Variants in SULT1A2 observed in about 807,000 individuals in gnomAD.
SULT1A2 encodes the protein sulfotransferase family 1A member 2.
Under a neutral mutation model 36.0 loss-of-function variants are expected in SULT1A2, and 33 were observed. The observed-to-expected ratio is 0.92, with a 90% confidence interval of 0.69 to 1.22. The LOEUF (loss-of-function observed/expected upper bound fraction) is 1.22, where lower values mean the gene tolerates loss of function less well. SULT1A2 is among the 50% of genes most tolerant of loss of function. The pLI, the probability that SULT1A2 is intolerant of heterozygous loss-of-function variation, is 0.00. For synonymous variants in SULT1A2, 138 were observed against 144.5 expected (o/e 0.96, Z 0.32); for missense variants, 367 against 383.2 (o/e 0.96, Z 0.35).
At chr16:28,593,389 G>A (rs372087175) in intron 5 of SULT1A2, 43 bp from the exon 6 acceptor site, 60 of 1,613,998 alleles carry the variant, frequency 3.7e-5, no homozygotes, top group African/African-American at 3.6e-4. Flanking sequence ...GTTGCTGTGC[G>A]TTGTAGCCAC....
chr16:28,592,308 G>T lies in SULT1A2; in HGVS notation c.730C>A (p.Arg244Ser). 1 of 1,613,914 alleles carries T rather than the reference G, an allele frequency of 6.2e-7. No individual in the cohort carries two copies. Among genetic ancestry groups the T allele is most frequent in the Non-Finnish European group, 8.5e-7 (1 of 1,179,862 alleles). The change falls in exon 7 of 8, where the codon CGC becomes AGC. Residue 244 changes from arginine (R) to serine (S), a missense_variant. Physicochemically the swap from Arg to Ser is moderately radical, Grantham distance 110 (BLOSUM62 -1). Transcript: ENST00000335715. ...ATGCTGTGGTCCATGAACTCCCGGCGGACGGTGGTGTAGTTGGTCATAGGG... is the reference window on the plus strand; with the variant it reads ...ATGCTGTGGTCCATGAACTCCCGGCTGACGGTGGTGTAGTTGGTCATAGGG... ...KNPMTNYTTV[R>S]REFMDHSISP...
At chr16:28,593,796 G>A (rs1016858192) in intron 4 of SULT1A2, among the ~76,000 whole-genome samples, 4 of 152,046 alleles carry the variant, frequency 2.6e-5, no homozygotes, top group Non-Finnish European at 4.4e-5. Context: ...GCATCAATGC[G>A]TCACACCCCG....
rs551148728 is a variant in SULT1A2, at chr16:28,592,103, C to T, written c.813G>A (p.Ala271=). The T allele has an allele frequency of 4.2e-4, 673 of 1,612,036 alleles. 12 individuals are homozygous for T. In the South Asian group the frequency reaches 6.8e-3, roughly 16 times the overall value. Residue 271 remains alanine, a synonymous_variant, in exon 8 of 8, where the codon GCG becomes GCA. Transcript: ENST00000335715. Reference sequence around the variant, plus strand: ...AGTCCGCATCGAAGCGCTCATTCTGCGCCACGGTGAAGGTGGTCTTCCAGT... The same window carrying T: ...AGTCCGCATCGAAGCGCTCATTCTGTGCCACGGTGAAGGTGGTCTTCCAGT... ...AGDWKTTFTV[A]QNERFDADYA...
rs34923751 is a variant in SULT1A2 at position 28,596,911 on chromosome 16, A to C, written c.-5+86T>G. On this transcript the variant is annotated intron_variant, in intron 1 of 7. Coordinates refer to ENST00000335715, the MANE Select transcript of SULT1A2 (RefSeq NM_001054.4). ...GGATATCCATGGGGAGAGGGCAGGGATAGCAGAGGCCTCGGCTTCTGGAAT... is the reference window on the plus strand; with the variant it reads ...GGATATCCATGGGGAGAGGGCAGGGCTAGCAGAGGCCTCGGCTTCTGGAAT... 5.3e-4 allele frequency: 508 copies of C among 966,820 alleles called. 8 individuals carry two copies. The East Asian group carries it at 0.031, about 58-fold the overall frequency. 59.9% of individuals were successfully genotyped at this position (966,820 alleles called of 1,614,324 possible).
chr16:28,594,352 G>A (rs937778520), intron 4 of SULT1A2, among the ~76,000 whole-genome samples: 8 of 151,992 alleles, frequency 5.3e-5, no homozygotes, highest in Non-Finnish European at 1.2e-4. Context: ...ATGTTTCCTG[G>A]GCTGGTCTGG....
At chr16:28,594,770 CTTTT>C (rs1033591115) in intron 4 of SULT1A2, among the ~76,000 whole-genome samples, 7 of 53,842 alleles carry the variant, frequency 1.3e-4, no homozygotes, top group East Asian at 5.3e-4. Context: ...CCACCTGCCG[CTTTT>C]TTTTTTTTTT....
intron 4 of SULT1A2, 130 bp from the exon 5 acceptor site, chr16:28,593,698 G>T: frequency 6.6e-7 from 1 of 1,521,604 alleles, no homozygotes; most frequent in Non-Finnish European, 8.8e-7. Context: ...CACGGCACAG[G>T]TAGGGCCAAG....
intron 4 of SULT1A2, among the ~76,000 whole-genome samples, chr16:28,594,671 T>C (rs1178726801): frequency 6.7e-6 from 1 of 149,268 alleles, no homozygotes; most frequent in African/African-American, 2.5e-5. Flanking sequence ...CAGGCTGATC[T>C]CAAACTCCTA....
chr16:28,596,840 A>C, intron 1 of SULT1A2, 157 bp downstream of exon 1: 1 of 437,744 alleles, frequency 2.3e-6, no homozygotes, highest in Non-Finnish European at 3.6e-6. Context: ...GGAAAAAAAA[A>C]AAAGGAAGGG....
chr16:28,592,164 A>G (rs1484533282), intron 7 of SULT1A2, 24 bp from the exon 8 acceptor site: 1 of 1,612,404 alleles, frequency 6.2e-7, no homozygotes, highest in African/African-American at 1.3e-5. Context: ...GCAGGGAGCA[A>G]AGCTGGAGTC....
chr16:28,596,055 C>CA (rs2151667494), intron 1 of SULT1A2, 121 bp from the exon 2 acceptor site: 1 of 1,570,904 alleles, frequency 6.4e-7, no homozygotes, highest in African/African-American at 1.3e-5. Flanking sequence ...TGCCCGCACT[C>CA]ACAAGGCCAG....
chr16:28,596,519 C>T (rs138658104), intron 1 of SULT1A2: 3 of 475,130 alleles, frequency 6.3e-6, no homozygotes, highest in East Asian at 1.0e-4. Context: ...GGGGCCAGAG[C>T]CTGATGTGGG....
chr16:28,596,557 A>C, intron 1 of SULT1A2: 1 of 324,294 alleles, frequency 3.1e-6, no homozygotes, highest in Non-Finnish European at 5.1e-6. Context: ...TGACTCAGCA[A>C]AAGGAGGATC....
chr16:28,594,850 G>A (rs2047040560), intron 4 of SULT1A2, among the ~76,000 whole-genome samples: 1 of 133,972 alleles, frequency 7.5e-6, no homozygotes, highest in South Asian at 2.3e-4. Flanking sequence ...GTGAGGTCTC[G>A]GCTGACTACA....
At position 28,595,615 on chromosome 16, in the gene SULT1A2, C is replaced by G; in HGVS notation, c.209G>C (p.Cys70Ser). The change falls in exon 3 of 8, where the codon TGT becomes TCT. Residue 70 changes from cysteine to serine, a missense_variant. Transcript: ENST00000335715. ...CCGCATGAAGATGGGAGCTCGGTGA[C>G]ACTTTTCCAGGTCACCGCCCTGGTA... ...MIYQGGDLEKCHRAPIFMRVP... is the reference protein window; with the variant it reads ...MIYQGGDLEKSHRAPIFMRVP... 6.2e-7 allele frequency: 1 copy of G among 1,614,184 alleles called. No individual in the cohort carries two copies. Among genetic ancestry groups the G allele is most frequent in the Non-Finnish European group, 8.5e-7 (1 of 1,180,028 alleles).
At chr16:28,593,954 C>T (rs554897811) in intron 4 of SULT1A2, among the ~76,000 whole-genome samples, 2 of 152,138 alleles carry the variant, frequency 1.3e-5, no homozygotes, top group South Asian at 2.1e-4. Flanking sequence ...CAGTCCCCCC[C>T]GTGGAAGATG....
chr16:28,596,933 G>A (rs1853962469), intron 1 of SULT1A2, 64 bp downstream of exon 1: 1 of 1,128,618 alleles, frequency 8.9e-7, no homozygotes, highest in African/African-American at 1.7e-5. Flanking sequence ...TCGGCTTCTG[G>A]AATGTTGGAG....
rs781635748 is a variant in SULT1A2, at chr16:28,595,901, C to T, written c.30G>A (p.Pro10=). 26 of 1,596,788 alleles carry T rather than the reference C, an allele frequency of 1.6e-5. 1 individual carries two copies. The highest frequency in any genetic ancestry group is 8.5e-5 in the Admixed American group (5 of 58,512). ...GGACCCCCTTCACGTACTCCAGTGG[C>T]GGGCGAGAGATGTCCTGGATCAGCT... MELIQDISR[P]PLEYVKGVPL... is the part of the protein sequence containing the mutation. The change falls in exon 2 of 8, where the codon CCG becomes CCA. Residue 10 remains proline, a synonymous_variant. Coordinates refer to ENST00000335715, the MANE Select transcript of SULT1A2 (RefSeq NM_001054.4).
intron 6 of SULT1A2, 67 bp from the exon 7 acceptor site, chr16:28,592,510 T>C (rs2151658489): frequency 6.2e-7 from 1 of 1,610,154 alleles, no homozygotes; most frequent in Non-Finnish European, 8.5e-7. Flanking sequence ...AGGGGTCCAC[T>C]TCTCTAACCT....
Sources: gnomAD v4.1 joint callset for allele counts (sites outside exome capture counted in the v4.1 genomes callset) on GRCh38, gnomAD v4.1.1 for gene constraint, MANE v1.5 for transcripts, NCBI Gene and HGNC (gene_info 2026-07-23, HGNC 2026-07-21) for gene names.